SPAG16: variants seen among roughly 807,000 people sequenced by gnomAD.
SPAG16 encodes the protein sperm-associated antigen 16 protein.
SPAG16 carries 86 observed loss-of-function variants against 80.4 expected under a neutral mutation model. The observed-to-expected ratio is 1.07, with a 90% CI of 0.90 to 1.28. The LOEUF (loss-of-function observed/expected upper bound fraction) is 1.28. Among genes scored for constraint, SPAG16 ranks in the 50% most tolerant of loss-of-function variants. The pLI, the probability that SPAG16 is intolerant of heterozygous loss-of-function variation, is 0.00. For missense variants in SPAG16, 870 were observed against 765.3 expected (o/e 1.14, Z -1.61); for synonymous variants, 294 against 265.9 (o/e 1.11, Z -1.03).
intron 10 of SPAG16, among the ~76,000 whole-genome samples, chr2:213,742,415 C>T (rs912847439): frequency 6.6e-6 from 1 of 152,036 alleles, no homozygotes; most frequent in Non-Finnish European, 1.5e-5. Flanking sequence ...AAGACATTAT[C>T]TTATTGTTCT....
intron 10 of SPAG16, among the ~76,000 whole-genome samples, chr2:213,496,683 G>A (rs2074502950): frequency 6.6e-6 from 1 of 150,762 alleles, no homozygotes; most frequent in Non-Finnish European, 1.5e-5. Context: ...TAAAGCTTAA[G>A]TACTTAATTA....
rs571957545 is a variant in SPAG16 at position 214,256,927 on chromosome 2, A to C, written c.1720+107661A>C. On this transcript the variant is annotated intron_variant, in intron 15 of 15. Transcript: ENST00000331683. ...TTTTTATTTTTTGCATTTCCATATA[A>C]ATTTTAACATCTTGTCAATTTGTTT... 5.5e-4 allele frequency among the ~76,000 whole-genome samples: 84 copies of C among 152,086 alleles called. 1 individual carries two copies. The highest frequency in any genetic ancestry group is 3.4e-3 in the Middle Eastern group (1 of 294).
intron 4 of SPAG16, among the ~76,000 whole-genome samples, chr2:213,310,454 A>G (rs538931243): frequency 6.6e-6 from 1 of 152,058 alleles, no homozygotes; most frequent in South Asian, 2.1e-4. Flanking sequence ...TTAAAAAATC[A>G]AGACACTTGA....
chr2:214,260,291 C>T (rs1316951453), intron 15 of SPAG16, among the ~76,000 whole-genome samples: 3 of 151,968 alleles, frequency 2.0e-5, no homozygotes, highest in East Asian at 3.9e-4. Flanking sequence ...AACTAAATAC[C>T]ACTTGTTCCC....
intron 10 of SPAG16, among the ~76,000 whole-genome samples, chr2:213,659,182 TC>T (rs2063331528): frequency 6.6e-6 from 1 of 152,170 alleles, no homozygotes; most frequent in African/African-American, 2.4e-5. Flanking sequence ...TTGCCACATT[TC>T]TTTGTTGTGT....
intron 13 of SPAG16, among the ~76,000 whole-genome samples, chr2:214,079,165 C>T (rs546923460): frequency 6.6e-6 from 1 of 152,200 alleles, no homozygotes; most frequent in South Asian, 2.1e-4. Context: ...TCAAAATTAG[C>T]TCTCCCAACC....
At chr2:213,358,044 G>A (rs1460017451) in intron 7 of SPAG16, among the ~76,000 whole-genome samples, 1 of 152,130 alleles carries the variant, frequency 6.6e-6, no homozygotes, top group Non-Finnish European at 1.5e-5. Flanking sequence ...ATGAAATTCT[G>A]GGTTGAAAAT....
intron 10 of SPAG16, among the ~76,000 whole-genome samples, chr2:213,587,349 C>T (rs1333024667): frequency 3.3e-5 from 5 of 152,014 alleles, no homozygotes; most frequent in Admixed American, 1.3e-4. Context: ...ATACCTGGGT[C>T]AGCCATACCT....
intron 13 of SPAG16, among the ~76,000 whole-genome samples, chr2:214,047,810 T>A (rs2049416184): frequency 6.6e-6 from 1 of 152,132 alleles, no homozygotes; most frequent in Non-Finnish European, 1.5e-5. Flanking sequence ...TATTAGTAAC[T>A]AGAATATATA....
intron 10 of SPAG16, among the ~76,000 whole-genome samples, chr2:213,615,316 G>C (rs902051285): frequency 6.6e-6 from 1 of 152,218 alleles, no homozygotes; most frequent in Non-Finnish European, 1.5e-5. Flanking sequence ...CTTTAGGCTG[G>C]GTACGGTGGC....
chr2:214,363,995 G>A (rs560458745), intron 15 of SPAG16, among the ~76,000 whole-genome samples: 2 of 152,152 alleles, frequency 1.3e-5, no homozygotes, highest in African/African-American at 2.4e-5. Flanking sequence ...AAGTGGCTCC[G>A]TTTTACAACC....
At chr2:213,938,842 C>G (rs983011022) in intron 12 of SPAG16, among the ~76,000 whole-genome samples, 1 of 150,870 alleles carries the variant, frequency 6.6e-6, no homozygotes, top group Non-Finnish European at 1.5e-5. Context: ...AAAATCATTT[C>G]TATTTAGATA....
intron 15 of SPAG16, among the ~76,000 whole-genome samples, chr2:214,273,085 G>C (rs1199585629): frequency 6.6e-6 from 1 of 152,182 alleles, no homozygotes; most frequent in Non-Finnish European, 1.5e-5. Flanking sequence ...CTGCATAAAT[G>C]TCTTCTTTTG....
At chr2:214,279,815 A>G (rs183170844) in intron 15 of SPAG16, among the ~76,000 whole-genome samples, 6 of 152,322 alleles carry the variant, frequency 3.9e-5, no homozygotes, top group Admixed American at 2.0e-4. Context: ...AACTCACACA[A>G]TGTATTTCTC....
intron 15 of SPAG16, among the ~76,000 whole-genome samples, chr2:214,175,665 A>G (rs1447922223): frequency 6.6e-6 from 1 of 151,540 alleles, no homozygotes; most frequent in Non-Finnish European, 1.5e-5. Context: ...TTGATCAAAC[A>G]ATATATATGC....
chr2:213,629,001 A>C (rs760692040), intron 10 of SPAG16, among the ~76,000 whole-genome samples: 2 of 152,218 alleles, frequency 1.3e-5, no homozygotes, highest in Non-Finnish European at 2.9e-5. Flanking sequence ...AGAAAAATCA[A>C]GGTGAATGGC....
intron 15 of SPAG16, among the ~76,000 whole-genome samples, chr2:214,268,756 T>G (rs1691775971): frequency 6.6e-6 from 1 of 151,732 alleles, no homozygotes; most frequent in South Asian, 2.1e-4. Context: ...TGTGTGTGTG[T>G]GTGTGGGTGT....
chr2:213,400,821 T>G (rs950514748), intron 9 of SPAG16, among the ~76,000 whole-genome samples: 2 of 152,110 alleles, frequency 1.3e-5, no homozygotes, highest in African/African-American at 4.8e-5. Context: ...TTTTTCTTTT[T>G]TTTGAGACAG....
chr2:213,350,553 G>T lies in SPAG16; in HGVS notation c.670G>T (p.Glu224Ter). 1.9e-6 allele frequency: 3 copies of T among 1,579,318 alleles called. No individual in the cohort carries two copies. The highest frequency in any genetic ancestry group is 1.9e-5 in the Admixed American group (1 of 51,770). Residue 224 changes from glutamate (E) to a stop codon, truncating the protein, a stop_gained, in exon 7 of 16, where the codon GAA becomes TAA. Coordinates refer to ENST00000331683, the MANE Select transcript of SPAG16 (RefSeq NM_024532.5). LOFTEE classifies it high-confidence loss of function. ...GTTGAAGTTACATTATGCATCTTATGAACCGACTATAAGGGTGTTACATGA... is the reference window on the plus strand; with the variant it reads ...GTTGAAGTTACATTATGCATCTTATTAACCGACTATAAGGGTGTTACATGA... ...KGLKLHYASY[E>*]PTIRVLHEKH...
Sources: allele counts gnomAD v4.1 joint callset (sites outside exome capture counted in the v4.1 genomes callset), GRCh38; gene constraint gnomAD v4.1.1; transcripts MANE v1.5; gene names NCBI Gene and HGNC (gene_info 2026-07-23, HGNC 2026-07-21).